TSHZ1: variants seen among roughly 807,000 people sequenced by gnomAD.
TSHZ1 encodes teashirt zinc finger homeobox 1.
TSHZ1 carries 12 observed loss-of-function variants against 67.1 expected under a neutral mutation model. The ratio of observed to expected loss-of-function variants is 0.18; its 90% CI spans 0.11 to 0.29. The LOEUF (loss-of-function observed/expected upper bound fraction) is 0.29. Among genes scored for constraint, TSHZ1 ranks in the 10% least tolerant of loss-of-function variants. The probability of loss-of-function intolerance (pLI) is 1.00; values close to 1 mark genes in which losing one functional copy is unlikely to be tolerated. For missense variants in TSHZ1, 1,305 were observed against 1,413.9 expected, an observed-to-expected ratio of 0.92 and a Z score of 1.23; for synonymous variants, 632 against 622.4, an observed-to-expected ratio of 1.02 and a Z score of -0.23.
chr18:75,212,184 G>A (rs1365600636), intron 1 of TSHZ1, among the ~76,000 whole-genome samples: 3 of 152,206 alleles, frequency 2.0e-5, no homozygotes, highest in Non-Finnish European at 4.4e-5. Context: ...GCCGGGGGCC[G>A]CGGGACGGCG....
intron 1 of TSHZ1, among the ~76,000 whole-genome samples, chr18:75,251,398 G>T (rs2083447): frequency 0.59 from 90,012 of 151,526 alleles, 26,799 homozygotes; most frequent in South Asian, 0.71. Flanking sequence ...AAAGATGGGA[G>T]GATGGTAGTA....
intron 1 of TSHZ1, among the ~76,000 whole-genome samples, chr18:75,216,297 A>G (rs2022766891): frequency 6.6e-6 from 1 of 152,148 alleles, no homozygotes; most frequent in African/African-American, 2.4e-5. Context: ...GTATTTAAAA[A>G]CATCTAGTTG....
intron 1 of TSHZ1, among the ~76,000 whole-genome samples, chr18:75,244,921 C>T (rs1200439072): frequency 6.6e-6 from 1 of 152,064 alleles, no homozygotes; most frequent in Non-Finnish European, 1.5e-5. Context: ...AATATGTGAA[C>T]GTTTGTCTCT....
rs1248182928 is a variant in TSHZ1 at position 75,287,278 on chromosome 18, C to G, written c.1871C>G (p.Pro624Arg). 6.2e-7 allele frequency: 1 copy of G among 1,613,898 alleles called. No homozygotes were observed. The highest frequency in any genetic ancestry group is 1.1e-5 in the South Asian group (1 of 91,084). ...SAEHNALLHS[P>R]GSLTPPPHKS... Reference sequence around the variant, plus strand: ...GAGCACAACGCCCTCCTGCACTCCCCAGGGAGCCTCACGCCCCCACCGCAC... The same window carrying G: ...GAGCACAACGCCCTCCTGCACTCCCGAGGGAGCCTCACGCCCCCACCGCAC... The change falls in exon 2 of 2, where the codon CCA becomes CGA. Residue 624 changes from proline (P) to arginine (R), a missense_variant. Physicochemically the swap from Pro to Arg is moderately radical, Grantham distance 103. Around this residue, in one of 3 missense-constraint regions of TSHZ1, gnomAD observed 909 missense variants for 961.8 expected, o/e 0.95. Transcript: ENST00000580243. This position sits in a 1 kb window ranked among gnomAD's most constrained non-coding sequence, Gnocchi z 5.0.
chr18:75,233,566 T>C (rs2023027204), intron 1 of TSHZ1, among the ~76,000 whole-genome samples: 1 of 152,188 alleles, frequency 6.6e-6, no homozygotes, highest in Non-Finnish European at 1.5e-5. Context: ...GGTTTCTTGT[T>C]TTATTTTATT....
At chr18:75,271,592 T>C (rs1333986203) in intron 1 of TSHZ1, among the ~76,000 whole-genome samples, 1 of 152,188 alleles carries the variant, frequency 6.6e-6, no homozygotes, top group African/African-American at 2.4e-5. Context: ...GTTGTGCCCG[T>C]GCCTATCTGA....
At position 75,286,350 on chromosome 18, in the gene TSHZ1, T is replaced by A. The variant is rs200766154; in HGVS notation, c.943T>A (p.Ser315Thr). The change falls in exon 2 of 2, where the codon TCC (serine) becomes ACC (threonine). Residue 315 changes from serine to threonine, a missense_variant. This residue lies in a region of TSHZ1 where 38 missense variants were observed against 76.5 expected (regional missense o/e 0.50). Coordinates refer to ENST00000580243, the MANE Select transcript of TSHZ1 (RefSeq NM_001308210.2). The surrounding 1 kb of genome is among the most constrained non-coding windows in gnomAD (Gnocchi z 5.1). ...KVLKCMYCGH[S>T]FESLQDLSVH... Reference sequence around the variant, plus strand: ...GCTGAAGTGCATGTACTGTGGACACTCCTTTGAGTCCTTGCAGGACCTCAG... The same window carrying A: ...GCTGAAGTGCATGTACTGTGGACACACCTTTGAGTCCTTGCAGGACCTCAG... 7.4e-6 allele frequency: 12 copies of A among 1,614,074 alleles called. No individual in the cohort carries two copies.
intron 1 of TSHZ1, among the ~76,000 whole-genome samples, chr18:75,253,356 A>T (rs1349347896): frequency 6.6e-6 from 1 of 152,210 alleles, no homozygotes; most frequent in Admixed American, 6.5e-5. Context: ...CTATTTTGAG[A>T]AAATACTATA....
At chr18:75,243,625 A>G (rs2023184966) in intron 1 of TSHZ1, among the ~76,000 whole-genome samples, 1 of 152,130 alleles carries the variant, frequency 6.6e-6, no homozygotes. Context: ...AGCAGTTGGA[A>G]AAGGGTCTCC....
intron 1 of TSHZ1, among the ~76,000 whole-genome samples, chr18:75,246,403 GGTGTGTGTGTGTGTGTGTGT>G (rs74178999): frequency 1.8e-5 from 2 of 108,372 alleles, no homozygotes; most frequent in African/African-American, 7.1e-5. Flanking sequence ...TTTGGTTTCT[GGTGTGTGTGTGTGTGTGTGT>G]GTGTGTGTGT....
Position 75,286,055 on chromosome 18 carries a change from G to A in TSHZ1, c.648G>A (p.Leu216=). 1 of 1,613,458 alleles carries A rather than the reference G, an allele frequency of 6.2e-7. No individual in the cohort carries two copies. The highest frequency in any genetic ancestry group is 8.5e-7 in the Non-Finnish European group (1 of 1,179,782). ...TGCAGCAGACGTCCTCGTATGGGCT[G>A]CTTCCTGAGCCCAGCCTGTTCAGCA... The part of the protein sequence containing the change: ...KTLQQTSSYG[L]LPEPSLFSTV... The change falls in exon 2 of 2, where the codon CTG becomes CTA. Residue 216 remains leucine, a synonymous_variant. Transcript: ENST00000580243. This position sits in a 1 kb window ranked among gnomAD's most constrained non-coding sequence, Gnocchi z 5.1.
At chr18:75,266,319 G>A (rs942795554) in intron 1 of TSHZ1, among the ~76,000 whole-genome samples, 17 of 152,206 alleles carry the variant, frequency 1.1e-4, no homozygotes, top group African/African-American at 4.1e-4. Flanking sequence ...CTTCAATGCA[G>A]TGGATTGATC....
At chr18:75,215,209 A>T (rs1474434213) in intron 1 of TSHZ1, among the ~76,000 whole-genome samples, 2 of 152,236 alleles carry the variant, frequency 1.3e-5, no homozygotes, top group Non-Finnish European at 2.9e-5. Context: ...TGAAATAAAA[A>T]GTTATTAAAA....
chr18:75,286,721 C>G lies in TSHZ1; in HGVS notation c.1314C>G (p.Thr438=). 6.2e-7 allele frequency: 1 copy of G among 1,613,802 alleles called. No individual in the cohort carries two copies. The highest frequency in any genetic ancestry group is 1.1e-5 in the South Asian group (1 of 91,080). The change falls in exon 2 of 2, where the codon ACC becomes ACG. Residue 438 remains threonine, a synonymous_variant. Coordinates refer to ENST00000580243, the MANE Select transcript of TSHZ1 (RefSeq NM_001308210.2). This position sits in a 1 kb window ranked among gnomAD's most constrained non-coding sequence, Gnocchi z 5.1. ...LQQLTAHMMV[T]GHFLKVTTSA... is the part of the protein sequence containing the mutation. ...AGCTCACCGCCCACATGATGGTCAC[C>G]GGGCACTTCCTGAAAGTGACCACCT...
chr18:75,288,202 T>C lies in TSHZ1; in HGVS notation c.2795T>C (p.Phe932Ser), dbSNP rs1446192388. 5 of 1,614,070 alleles carry C rather than the reference T, an allele frequency of 3.1e-6. No individual in the cohort carries two copies. Among genetic ancestry groups the C allele is most frequent in the Non-Finnish European group, 2.5e-6 (3 of 1,180,038 alleles). The change falls in exon 2 of 2, where the codon TTT becomes TCT. Residue 932 changes from phenylalanine to serine, a missense_variant. Transcript: ENST00000580243. This position sits in a 1 kb window ranked among gnomAD's most constrained non-coding sequence, Gnocchi z 4.9. ...GPQERVHISK[F>S]TGLSMTTISH... ...CAGGAGAGGGTGCACATCTCGAAGT[T>C]TACTGGGCTCTCCATGACCACCATC...
intron 1 of TSHZ1, among the ~76,000 whole-genome samples, chr18:75,272,422 A>T (rs1054469314): frequency 6.6e-6 from 1 of 152,218 alleles, no homozygotes; most frequent in African/African-American, 2.4e-5. Context: ...GGGCAAAACC[A>T]CAGGGCGATT....
chr18:75,240,500 A>G (rs1169034896), intron 1 of TSHZ1, among the ~76,000 whole-genome samples: 1 of 152,134 alleles, frequency 6.6e-6, no homozygotes, highest in Non-Finnish European at 1.5e-5. Context: ...CGCGTCCTGC[A>G]GTGGGTCCTG....
intron 1 of TSHZ1, among the ~76,000 whole-genome samples, chr18:75,267,538 G>A (rs1384542684): frequency 6.6e-6 from 1 of 152,196 alleles, no homozygotes; most frequent in Non-Finnish European, 1.5e-5. Flanking sequence ...CGAGTGTCTC[G>A]AATTAGGAGG....
At chr18:75,276,273 C>G (rs1218299505) in intron 1 of TSHZ1, among the ~76,000 whole-genome samples, 1 of 122,740 alleles carries the variant, frequency 8.1e-6, no homozygotes, top group Non-Finnish European at 1.6e-5. Context: ...CTCTGAAATT[C>G]TTAAAAATTG....
Sources: allele counts gnomAD v4.1 joint callset (sites outside exome capture counted in the v4.1 genomes callset), GRCh38; gene constraint gnomAD v4.1.1; regional missense constraint gnomAD v4.1.1; non-coding constraint Gnocchi (gnomAD v3.1); transcripts MANE v1.5; gene names NCBI Gene and HGNC (gene_info 2026-07-23, HGNC 2026-07-21).